CFAP299: variants seen among roughly 807,000 people sequenced by gnomAD.
CFAP299 encodes the protein cilia- and flagella-associated protein 299.
CFAP299 carries 21 observed loss-of-function variants against 27.0 expected under a neutral mutation model. The ratio of observed to expected loss-of-function variants is 0.78; its 90% CI spans 0.55 to 1.12. The LOEUF is 1.12. Ranked by LOEUF, CFAP299 falls within the 50% of genes most tolerant of loss-of-function variation. CFAP299 has a pLI of 0.00. For synonymous variants in CFAP299, 104 were observed against 98.1 expected, an observed-to-expected ratio of 1.06 and a Z score of -0.36; for missense variants, 310 against 276.6, an observed-to-expected ratio of 1.12 and a Z score of -0.86.
At chr4:80,496,300 T>A (rs1421376211) in intron 2 of CFAP299, among the ~76,000 whole-genome samples, 1 of 152,206 alleles carries the variant, frequency 6.6e-6, no homozygotes, top group East Asian at 1.9e-4. Context: ...CCACACCACA[T>A]CTTAAACACT....
chr4:80,938,227 G>T (rs2110225229), intron 4 of CFAP299, among the ~76,000 whole-genome samples: 1 of 152,192 alleles, frequency 6.6e-6, no homozygotes, highest in South Asian at 2.1e-4. Context: ...GCCATATACT[G>T]GCCCCAAAAC....
At chr4:80,513,320 C>A (rs1245746855) in intron 2 of CFAP299, among the ~76,000 whole-genome samples, 2 of 152,132 alleles carry the variant, frequency 1.3e-5, no homozygotes, top group Non-Finnish European at 2.9e-5. Flanking sequence ...CCAGTCAGAG[C>A]AAGCATCAGC....
rs184043444 is a variant in CFAP299, at chr4:80,841,050, A to C, written c.334-28943A>C. Among the ~76,000 whole-genome samples the C allele has an allele frequency of 3.9e-3, 592 of 152,292 alleles. 1 individual carries two copies. The highest frequency in any genetic ancestry group is 0.01 in the Middle Eastern group (3 of 294). On this transcript the variant is annotated intron_variant, in intron 3 of 5. Transcript: ENST00000358105. The stretch of plus-strand genomic sequence containing the variant: ...AAATATTTCCAATAAAGAAAGATGT[A>C]TAATTACATACTAGAATGTAAGAAC...
chr4:80,434,404 C>T (rs1250609986), intron 2 of CFAP299, among the ~76,000 whole-genome samples: 1 of 152,178 alleles, frequency 6.6e-6, no homozygotes, highest in Non-Finnish European at 1.5e-5. Flanking sequence ...AGCTTCCAGA[C>T]ATATCTTCAA....
chr4:80,946,318 G>C (rs1347855161), intron 5 of CFAP299, among the ~76,000 whole-genome samples: 1 of 152,104 alleles, frequency 6.6e-6, no homozygotes, highest in African/African-American at 2.4e-5. Flanking sequence ...ATCTGGGCCA[G>C]GGTGATCCTC....
intron 2 of CFAP299, among the ~76,000 whole-genome samples, chr4:80,451,072 C>CTGT (rs1728881569): frequency 6.6e-6 from 1 of 152,136 alleles, no homozygotes; most frequent in South Asian, 2.1e-4. Context: ...CCAACAAAAT[C>CTGT]TCACAGAGTG....
intron 3 of CFAP299, among the ~76,000 whole-genome samples, chr4:80,686,945 C>T (rs564989953): frequency 6.6e-6 from 1 of 152,274 alleles, no homozygotes; most frequent in East Asian, 1.9e-4. Context: ...GATGTATTCC[C>T]TCTAATATAC....
chr4:80,961,187 A>C (rs1738327263), intron 5 of CFAP299, among the ~76,000 whole-genome samples: 1 of 151,754 alleles, frequency 6.6e-6, no homozygotes, highest in African/African-American at 2.4e-5. Context: ...TCATTATCTA[A>C]AATATTGTGT....
At chr4:80,531,476 C>A (rs555069784) in intron 2 of CFAP299, among the ~76,000 whole-genome samples, 1 of 152,258 alleles carries the variant, frequency 6.6e-6, no homozygotes, top group African/African-American at 2.4e-5. Context: ...AACTAGGCAC[C>A]ACCTACAGTT....
chr4:80,813,147 C>G (rs1472031790), intron 3 of CFAP299, among the ~76,000 whole-genome samples: 1 of 151,934 alleles, frequency 6.6e-6, no homozygotes, highest in Non-Finnish European at 1.5e-5. Flanking sequence ...CTTTTTCTGC[C>G]TATATGCACA....
chr4:80,858,817 C>A (rs373638685), intron 3 of CFAP299, among the ~76,000 whole-genome samples: 1 of 151,978 alleles, frequency 6.6e-6, no homozygotes, highest in Non-Finnish European at 1.5e-5. Context: ...CTGAGGAGAG[C>A]TTTACTTCCA....
chr4:80,843,928 G>C (rs1000095798), intron 3 of CFAP299, among the ~76,000 whole-genome samples: 13 of 149,626 alleles, frequency 8.7e-5, no homozygotes, highest in Non-Finnish European at 1.2e-4. Flanking sequence ...AATAGTCCCC[G>C]GTGTGTGATG....
intron 1 of CFAP299, among the ~76,000 whole-genome samples, chr4:80,343,399 C>A (rs1003858053): frequency 1.7e-4 from 26 of 152,136 alleles, no homozygotes; most frequent in Non-Finnish European, 2.2e-4. Flanking sequence ...TGGCACTTAC[C>A]CTAAAATTGA....
At chr4:80,327,701 T>TATATATATATATATATATAACTTCAATAC in the CFAP299 span, among the ~76,000 whole-genome samples, 904 of 61,168 alleles carry the variant, frequency 0.015, 21 homozygotes, top group Non-Finnish European at 0.018. Context: ...TATATATATA[T>TATATATATATATATATATAACTTCAATAC]ATATATATAT....
chr4:80,705,766 T>C (rs1346960971), intron 3 of CFAP299, among the ~76,000 whole-genome samples: 1 of 151,876 alleles, frequency 6.6e-6, no homozygotes, highest in Non-Finnish European at 1.5e-5. Context: ...TATCTAACAA[T>C]TGGAGACTGA....
chr4:80,642,883 A>G (rs1739802448), intron 3 of CFAP299, among the ~76,000 whole-genome samples: 1 of 152,186 alleles, frequency 6.6e-6, no homozygotes, highest in Non-Finnish European at 1.5e-5. Context: ...ACAGACAAAA[A>G]CAAACAGAAA....
rs369181816 is a variant in CFAP299 at position 80,942,008 on chromosome 4, A to G, written c.477-2802A>G. ...GAGATTTGGGAAGGGACACAGATCCAAACCATATCAATGGCTTTCAAATTT... is the reference window on the plus strand; with the variant it reads ...GAGATTTGGGAAGGGACACAGATCCGAACCATATCAATGGCTTTCAAATTT... On this transcript the variant is annotated intron_variant, in intron 4 of 5. Coordinates refer to ENST00000358105, the MANE Select transcript of CFAP299 (RefSeq NM_152770.3). Among the ~76,000 whole-genome samples, 10 of 152,320 alleles carry G rather than the reference A, an allele frequency of 6.6e-5. No individual in the cohort carries two copies. In the South Asian group the frequency reaches 1.9e-3, roughly 28 times the overall value.
intron 3 of CFAP299, among the ~76,000 whole-genome samples, chr4:80,604,613 C>T (rs1486185449): frequency 6.6e-6 from 1 of 152,156 alleles, no homozygotes; most frequent in African/African-American, 2.4e-5. Flanking sequence ...GGTGCCTCGG[C>T]AGGTGGCCTG....
chr4:80,440,141 C>T (rs573260010), intron 2 of CFAP299, among the ~76,000 whole-genome samples: 15 of 152,182 alleles, frequency 9.9e-5, no homozygotes, highest in South Asian at 2.1e-4. Flanking sequence ...CAGACTTAAA[C>T]GTTCCTGCCT....
Sources: allele counts gnomAD v4.1 joint callset (sites outside exome capture counted in the v4.1 genomes callset), GRCh38; gene constraint gnomAD v4.1.1; transcripts MANE v1.5; gene names NCBI Gene and HGNC (gene_info 2026-07-23, HGNC 2026-07-21).